TDRP: variants seen among roughly 807,000 people sequenced by gnomAD.
The protein encoded by TDRP is testis development related protein.
Under a neutral mutation model 10.5 loss-of-function variants are expected in TDRP, and 12 were observed. The observed-to-expected ratio is 1.15, with a 90% CI of 0.73 to 1.86. The LOEUF (loss-of-function observed/expected upper bound fraction) is 1.86, where lower values mean the gene tolerates loss of function less well. TDRP is among the 40% of genes most tolerant of loss of function. The pLI is 0.00. For missense variants in TDRP, 353 were observed against 229.2 expected, an observed-to-expected ratio of 1.54 and a Z score of -3.49; for synonymous variants, 139 against 95.4, an observed-to-expected ratio of 1.46 and a Z score of -2.67.
intron 1 of TDRP, among the ~76,000 whole-genome samples, chr8:543,934 G>A (rs1261838983): frequency 5.8e-5 from 8 of 137,066 alleles, no homozygotes; most frequent in Non-Finnish European, 7.9e-5. Flanking sequence ...GGGAGGGGGG[G>A]GGAGGGGGTG....
At position 516,141 on chromosome 8, in the gene TDRP, C is replaced by G. The variant is rs549201026; in HGVS notation, c.109-21544G>C. Among the ~76,000 whole-genome samples, 5 of 152,168 alleles carry G rather than the reference C, an allele frequency of 3.3e-5. No homozygotes were observed. The East Asian group carries it at 9.6e-4, about 29-fold the overall frequency. On this transcript the variant is annotated intron_variant, in intron 1 of 2. Transcript: ENST00000324079. ...TTATCCTCAAAGTACTACACTGGTC[C>G]GGTAGAGCGGTTCCTAAATGTGGTG...
intron 1 of TDRP, among the ~76,000 whole-genome samples, chr8:531,072 G>A (rs1802179734): frequency 6.6e-6 from 1 of 152,154 alleles, no homozygotes; most frequent in Non-Finnish European, 1.5e-5. Context: ...CAGAATGGTG[G>A]ACTTCCTTTC....
Position 512,313 on chromosome 8 carries a change from G to C in TDRP, c.109-17716C>G, listed in dbSNP as rs113521864. Among the ~76,000 whole-genome samples the C allele has an allele frequency of 2.7e-3, 411 of 151,734 alleles. 4 individuals are homozygous for C. Among genetic ancestry groups the C allele is most frequent in the African/African-American group, 9.2e-3 (381 of 41,396 alleles). ...CTGGGCATGGTGGCACACACCTGTA[G>C]TGCCAGCTCCTTGGGAGGCTGAGAC... On this transcript the variant is annotated intron_variant, in intron 1 of 2. Transcript: ENST00000324079.
chr8:492,045 C>G lies in TDRP; in HGVS notation c.*354G>C, dbSNP rs1800991782. On this transcript the variant is annotated 3_prime_UTR_variant, in exon 3 of 3. Coordinates refer to ENST00000324079, the MANE Select transcript of TDRP (RefSeq NM_001384899.1). ...CATACAAGAAAAAGGTACGGAAGTT[C>G]TGAAACAGAACTACAACACAGAGCA... is the stretch of plus-strand genomic sequence containing the variant. 8.9e-7 allele frequency: 1 copy of G among 1,127,820 alleles called. No individual in the cohort carries two copies. The highest frequency in any genetic ancestry group is 1.1e-6 in the Non-Finnish European group (1 of 922,990). 69.9% of individuals were successfully genotyped at this position (1,127,820 alleles called of 1,614,324 possible). A position where few individuals can be genotyped will look rare whatever the true frequency, so the allele number is the denominator to read the frequency against.
chr8:540,085 G>C (rs143427619), intron 1 of TDRP, among the ~76,000 whole-genome samples: 1 of 152,312 alleles, frequency 6.6e-6, no homozygotes, highest in East Asian at 1.9e-4. Context: ...CACTGTCCAT[G>C]TCAGACCCAT....
intron 1 of TDRP, among the ~76,000 whole-genome samples, chr8:499,918 G>C (rs1323559248): frequency 6.6e-6 from 1 of 152,198 alleles, no homozygotes; most frequent in South Asian, 2.1e-4. Flanking sequence ...CATGGTATGG[G>C]GCATGAAGAA....
In TDRP at chr8:491,849, A is replaced by G; in HGVS notation, c.*550T>C. On this transcript the variant is annotated 3_prime_UTR_variant, in exon 3 of 3. Coordinates refer to ENST00000324079, the MANE Select transcript of TDRP (RefSeq NM_001384899.1). The stretch of plus-strand genomic sequence containing the variant: ...CATTTTAAGATACATTTTACTCCCA[A>G]ATATAAGCTTTGCTTTTCCAGTATT... 6 of 1,224,382 alleles carry G rather than the reference A, an allele frequency of 4.9e-6. No homozygotes were observed. The highest frequency in any genetic ancestry group is 6.1e-6 in the Non-Finnish European group (6 of 982,676). 75.8% of individuals were successfully genotyped at this position (1,224,382 alleles called of 1,614,324 possible).
intron 1 of TDRP, among the ~76,000 whole-genome samples, chr8:525,387 A>T (rs1241986404): frequency 1.3e-5 from 2 of 152,228 alleles, no homozygotes; most frequent in African/African-American, 4.8e-5. Context: ...ACTTACTGGT[A>T]ATACTAAGTA....
intron 1 of TDRP, among the ~76,000 whole-genome samples, chr8:516,859 A>G (rs1008579644): frequency 6.6e-6 from 1 of 152,260 alleles, no homozygotes; most frequent in African/African-American, 2.4e-5. Flanking sequence ...GGAAGCAACC[A>G]AGATGCCCTT....
At chr8:532,827 T>C (rs973467315) in intron 1 of TDRP, among the ~76,000 whole-genome samples, 2 of 136,164 alleles carry the variant, frequency 1.5e-5, no homozygotes, top group African/African-American at 4.9e-5. Context: ...GTCACTATAC[T>C]GGAACCCAGC....
chr8:520,815 G>C (rs1184460971), intron 1 of TDRP, among the ~76,000 whole-genome samples: 1 of 152,130 alleles, frequency 6.6e-6, no homozygotes, highest in Non-Finnish European at 1.5e-5. Context: ...GGTCATAGGA[G>C]TTCTTTAAAT....
In TDRP at chr8:492,603, G is replaced by A; in HGVS notation, c.354C>T (p.Asp118=). 1 of 1,613,988 alleles carries A rather than the reference G, an allele frequency of 6.2e-7. No homozygotes were observed. The highest frequency in any genetic ancestry group is 8.5e-7 in the Non-Finnish European group (1 of 1,179,864). ...GWEPPKLALE[D]ISADPEDTVG... ...CGGTGTCCTCAGGGTCAGCCGATAT[G>A]TCTTCAAGAGCAAGTTTTGGAGGCT... Residue 118 remains aspartate (D), a synonymous_variant, in exon 3 of 3, where the codon GAC becomes GAT. Coordinates refer to ENST00000324079, the MANE Select transcript of TDRP (RefSeq NM_001384899.1).
intron 1 of TDRP, among the ~76,000 whole-genome samples, chr8:503,561 C>T (rs1411326343): frequency 6.9e-6 from 1 of 144,420 alleles, no homozygotes; most frequent in African/African-American, 2.7e-5. Context: ...ACTCACCATG[C>T]ATCAACACAG....
At chr8:533,355 C>G (rs760001872) in intron 1 of TDRP, among the ~76,000 whole-genome samples, 1 of 152,176 alleles carries the variant, frequency 6.6e-6, no homozygotes, top group Non-Finnish European at 1.5e-5. Context: ...GAGTTCCTTG[C>G]GACTGTCAGG....
At chr8:507,256 G>C (rs1167138674) in intron 1 of TDRP, among the ~76,000 whole-genome samples, 2 of 152,112 alleles carry the variant, frequency 1.3e-5, no homozygotes. Flanking sequence ...TTCTAGATGA[G>C]ATTTGCATGG....
chr8:533,253 G>A (rs114035472), intron 1 of TDRP, among the ~76,000 whole-genome samples: 1,644 of 152,218 alleles, frequency 0.011, 27 homozygotes, highest in African/African-American at 0.035. Context: ...GTCACTGCTG[G>A]GCTCCTCAAC....
intron 1 of TDRP, among the ~76,000 whole-genome samples, chr8:521,731 G>A (rs1801911570): frequency 6.6e-6 from 1 of 152,010 alleles, no homozygotes; most frequent in African/African-American, 2.4e-5. Flanking sequence ...CAGGTCATTT[G>A]AGATTCTATA....
chr8:515,864 G>T (rs1043140992), intron 1 of TDRP, among the ~76,000 whole-genome samples: 2 of 152,038 alleles, frequency 1.3e-5, no homozygotes, highest in Non-Finnish European at 2.9e-5. Context: ...ACTAGAAAAT[G>T]GGAGAGCATC....
chr8:521,567 C>G (rs1488939103), intron 1 of TDRP, among the ~76,000 whole-genome samples: 1 of 152,244 alleles, frequency 6.6e-6, no homozygotes, highest in Non-Finnish European at 1.5e-5. Flanking sequence ...GCTTATTTCT[C>G]TCTACTCTGT....
Sources: gnomAD v4.1 joint callset for allele counts (sites outside exome capture counted in the v4.1 genomes callset) on GRCh38, gnomAD v4.1.1 for gene constraint, MANE v1.5 for transcripts, NCBI Gene and HGNC (gene_info 2026-07-23, HGNC 2026-07-21) for gene names.